The following CACNA2D3 variants were observed in gnomAD, a reference collection of about 807,000 sequenced individuals.
The protein encoded by CACNA2D3 is calcium voltage-gated channel auxiliary subunit alpha2delta 3.
In CACNA2D3, 60 loss-of-function variants were observed where a neutral mutation model predicts 160.6. The ratio of observed to expected loss-of-function variants is 0.37; its 90% CI spans 0.30 to 0.46. CACNA2D3 has a LOEUF of 0.46. CACNA2D3 is among the 20% of genes least tolerant of loss of function. CACNA2D3 has a pLI of 1.00. For synonymous variants in CACNA2D3, 558 were observed against 492.9 expected (o/e 1.13, Z -1.75); for missense variants, 1,205 against 1,365.0 (o/e 0.88, Z 1.85).
At chr3:54,410,099 C>T (rs1304377889) in intron 4 of CACNA2D3, among the ~76,000 whole-genome samples, 2 of 152,106 alleles carry the variant, frequency 1.3e-5, no homozygotes, top group East Asian at 3.9e-4. Flanking sequence ...ACCTGTAATC[C>T]TAGCACTTTG....
chr3:54,480,987 C>T (rs1700923858), intron 4 of CACNA2D3, among the ~76,000 whole-genome samples: 1 of 152,180 alleles, frequency 6.6e-6, no homozygotes, highest in African/African-American at 2.4e-5. Flanking sequence ...CCACAGGAGT[C>T]CCTGGGTCCT....
At chr3:54,588,334 C>T (rs1274725961) in intron 9 of CACNA2D3, among the ~76,000 whole-genome samples, 1 of 152,122 alleles carries the variant, frequency 6.6e-6, no homozygotes, top group South Asian at 2.1e-4. Context: ...TTGATAGAGA[C>T]CATCTACAGA....
At chr3:54,963,943 G>A (rs1702088680) in intron 27 of CACNA2D3, among the ~76,000 whole-genome samples, 1 of 152,206 alleles carries the variant, frequency 6.6e-6, no homozygotes. Context: ...TTCGATATCT[G>A]TAGTTAAGCC....
chr3:54,868,784 T>C (rs1308158367), intron 17 of CACNA2D3, among the ~76,000 whole-genome samples: 1 of 152,210 alleles, frequency 6.6e-6, no homozygotes, highest in Non-Finnish European at 1.5e-5. Flanking sequence ...TATTGAATGG[T>C]CTTCTTCATT....
At chr3:54,245,962 A>T (rs528141794) in intron 2 of CACNA2D3, among the ~76,000 whole-genome samples, 21 of 152,360 alleles carry the variant, frequency 1.4e-4, no homozygotes, top group Admixed American at 1.4e-3. Flanking sequence ...AGGTGATGGG[A>T]TTACAGGCGT....
intron 2 of CACNA2D3, among the ~76,000 whole-genome samples, chr3:54,126,403 C>T (rs1040646170): frequency 6.6e-6 from 1 of 152,160 alleles, no homozygotes; most frequent in Admixed American, 6.5e-5. Flanking sequence ...AAACATTTAG[C>T]AATGTACCTT....
intron 2 of CACNA2D3, among the ~76,000 whole-genome samples, chr3:54,159,783 C>T (rs527459586): frequency 6.6e-6 from 1 of 151,976 alleles, no homozygotes; most frequent in South Asian, 2.1e-4. Context: ...TGCTCTTTTC[C>T]CTGGAGAGGA....
At chr3:55,044,410 A>T (rs1704029386) in intron 35 of CACNA2D3, among the ~76,000 whole-genome samples, 1 of 152,162 alleles carries the variant, frequency 6.6e-6, no homozygotes, top group African/African-American at 2.4e-5. Flanking sequence ...CATTGCTAGG[A>T]TTTAGAAACA....
intron 5 of CACNA2D3, among the ~76,000 whole-genome samples, chr3:54,542,130 C>T (rs574099586): frequency 2.0e-5 from 3 of 151,810 alleles, no homozygotes; most frequent in Admixed American, 6.6e-5. Context: ...GGCGTGATCT[C>T]GGCTCGCTGC....
chr3:54,465,034 A>G (rs73089479), intron 4 of CACNA2D3, among the ~76,000 whole-genome samples: 3,189 of 150,902 alleles, frequency 0.021, 45 homozygotes, highest in Non-Finnish European at 0.034. Context: ...TTCTTTCTTT[A>G]ATTTCTTTTC....
At chr3:54,823,194 A>G (rs73063743) in intron 14 of CACNA2D3, among the ~76,000 whole-genome samples, 1 of 151,990 alleles carries the variant, frequency 6.6e-6, no homozygotes, top group African/African-American at 2.4e-5. Context: ...TAATCTCTTC[A>G]TATCAAACAA....
At chr3:54,750,179 A>G (rs2107063675) in intron 11 of CACNA2D3, among the ~76,000 whole-genome samples, 1 of 152,204 alleles carries the variant, frequency 6.6e-6, no homozygotes, top group East Asian at 1.9e-4. Context: ...AAGAGAACTC[A>G]GTTTATATGA....
At chr3:54,537,544 T>G (rs561455483) in intron 5 of CACNA2D3, among the ~76,000 whole-genome samples, 2 of 152,090 alleles carry the variant, frequency 1.3e-5, no homozygotes, top group East Asian at 3.9e-4. Context: ...ATGGCAGCAA[T>G]TATGTTTTGA....
intron 2 of CACNA2D3, among the ~76,000 whole-genome samples, chr3:54,126,116 A>G (rs1235950037): frequency 1.3e-5 from 2 of 152,234 alleles, no homozygotes; most frequent in Non-Finnish European, 2.9e-5. Context: ...GTATACCACC[A>G]TATAATTTTA....
At chr3:54,721,370 A>G (rs946377824) in intron 11 of CACNA2D3, among the ~76,000 whole-genome samples, 3 of 152,194 alleles carry the variant, frequency 2.0e-5, no homozygotes, top group Non-Finnish European at 4.4e-5. Context: ...CTGCTGATAA[A>G]TGTGTCTGAA....
intron 3 of CACNA2D3, among the ~76,000 whole-genome samples, chr3:54,328,200 G>A (rs767854909): frequency 2.0e-5 from 3 of 152,148 alleles, no homozygotes; most frequent in Non-Finnish European, 2.9e-5. Flanking sequence ...AACTATTTCC[G>A]CATTATCCTC....
chr3:54,704,659 C>T (rs1293146131), intron 11 of CACNA2D3, among the ~76,000 whole-genome samples: 1 of 152,132 alleles, frequency 6.6e-6, no homozygotes, highest in Non-Finnish European at 1.5e-5. Context: ...ATCCCTTTAA[C>T]AAGAGGTGTT....
At chr3:54,677,002 C>T (rs1356976316) in intron 11 of CACNA2D3, among the ~76,000 whole-genome samples, 2 of 152,162 alleles carry the variant, frequency 1.3e-5, no homozygotes, top group Non-Finnish European at 2.9e-5. Flanking sequence ...AAAAATCTCT[C>T]TTTAAACTCA....
chr3:55,009,296 G>A (rs1703160803), intron 33 of CACNA2D3, 92 bp from the exon 34 acceptor site: 1 of 1,079,244 alleles, frequency 9.3e-7, no homozygotes, highest in African/African-American at 1.5e-5. Flanking sequence ...TCTCAAATGA[G>A]GTAAGCGATG....
Sources: gnomAD v4.1 joint callset for allele counts (sites outside exome capture counted in the v4.1 genomes callset) on GRCh38, gnomAD v4.1.1 for gene constraint, MANE v1.5 for transcripts, NCBI Gene and HGNC (gene_info 2026-07-23, HGNC 2026-07-21) for gene names.